The following STK3 variants were observed in gnomAD, a reference collection of about 807,000 sequenced individuals.
STK3 encodes the protein serine/threonine kinase 3.
Under a neutral mutation model 58.0 loss-of-function variants are expected in STK3, and 41 were observed. That is an observed-to-expected ratio of 0.71 (90% CI 0.55 to 0.92). STK3 has a LOEUF of 0.92. Ranked by LOEUF, STK3 falls within the 40% of genes least tolerant of loss-of-function variation. STK3 has a pLI of 0.00. For synonymous variants in STK3, 170 were observed against 191.0 expected (o/e 0.89, Z 0.91); for missense variants, 479 against 602.7 (o/e 0.79, Z 2.15).
intron 10 of STK3, among the ~76,000 whole-genome samples, chr8:98,460,058 G>T (rs999735306): frequency 9.9e-5 from 15 of 152,176 alleles, no homozygotes; most frequent in Admixed American, 9.8e-4. Context: ...TTGACAGCTT[G>T]CACCATATGC....
intron 8 of STK3, among the ~76,000 whole-genome samples, chr8:98,568,063 T>TGATGGATAGATAGATA (rs373444890): frequency 6.8e-6 from 1 of 146,466 alleles, no homozygotes; most frequent in African/African-American, 2.6e-5. Context: ...CTTAGATAGA[T>TGATGGATAGATAGATA]GATAGATAGA....
At chr8:98,416,156 C>T (rs1029630472) in intron 3 of STK3, among the ~76,000 whole-genome samples, 1 of 152,186 alleles carries the variant, frequency 6.6e-6, no homozygotes, top group African/African-American at 2.4e-5. Context: ...TTGCCCAGAG[C>T]AAGCCACGTG....
At chr8:98,732,944 A>G (rs1828314757) in intron 4 of STK3, among the ~76,000 whole-genome samples, 1 of 152,270 alleles carries the variant, frequency 6.6e-6, no homozygotes, top group Non-Finnish European at 1.5e-5. Flanking sequence ...ACATAGAGCC[A>G]TCAACCTAAA....
At chr8:98,739,035 G>C (rs1212931534) in intron 4 of STK3, among the ~76,000 whole-genome samples, 2 of 152,238 alleles carry the variant, frequency 1.3e-5, no homozygotes, top group Non-Finnish European at 2.9e-5. Flanking sequence ...GGCGAGGCTG[G>C]GGGAGGGGCG....
intron 3 of STK3, among the ~76,000 whole-genome samples, chr8:98,759,130 C>T (rs1830467504): frequency 6.6e-6 from 1 of 152,230 alleles, no homozygotes; most frequent in Non-Finnish European, 1.5e-5. Flanking sequence ...TGCATTCAAG[C>T]TTGGCTAGCT....
At chr8:98,460,122 G>A (rs1396383852) in intron 10 of STK3, among the ~76,000 whole-genome samples, 1 of 152,208 alleles carries the variant, frequency 6.6e-6, no homozygotes, top group African/African-American at 2.4e-5. Flanking sequence ...TGAGAGGAGG[G>A]CTGTAACCTG....
chr8:98,427,649 C>G (rs1274718422), intron 3 of STK3: 14 of 207,944 alleles, frequency 6.7e-5, no homozygotes, highest in African/African-American at 3.2e-4. Flanking sequence ...CCGGGCCTGC[C>G]CATGGACAAG....
At chr8:98,941,402 G>A (rs1215424940) in intron 1 of STK3, among the ~76,000 whole-genome samples, 1 of 152,200 alleles carries the variant, frequency 6.6e-6, no homozygotes, top group Non-Finnish European at 1.5e-5. Flanking sequence ...CCAACAGTGC[G>A]GGAAGTTCAA....
intron 4 of STK3, among the ~76,000 whole-genome samples, chr8:98,745,134 G>A (rs1027329395): frequency 6.6e-6 from 1 of 152,296 alleles, no homozygotes; most frequent in South Asian, 2.1e-4. Flanking sequence ...CAGTGGTCAT[G>A]AGTAGCAACA....
intron 9 of STK3, among the ~76,000 whole-genome samples, chr8:98,530,618 G>C (rs1826100252): frequency 6.6e-6 from 1 of 152,202 alleles, no homozygotes. Context: ...TGGGGTGGCT[G>C]TAGTGTTTCT....
At chr8:98,684,806 G>C (rs900705241) in intron 6 of STK3, among the ~76,000 whole-genome samples, 1 of 152,130 alleles carries the variant, frequency 6.6e-6, no homozygotes, top group African/African-American at 2.4e-5. Flanking sequence ...GATTCAAGTT[G>C]CAAATCATTA....
chr8:98,905,294 G>A (rs552775288), intron 1 of STK3: 3 of 834,080 alleles, frequency 3.6e-6, no homozygotes, highest in East Asian at 2.4e-5. Context: ...GTCTCACTGC[G>A]TCCTCTGACC....
chr8:98,880,400 A>C (rs1431586649), downstream of STK3: 3 of 152,238 alleles, frequency 2.0e-5, no homozygotes, highest in African/African-American at 4.8e-5. Context: ...AATTTCAACA[A>C]AGCAAAAACT....
At chr8:98,526,531 A>G (rs1018367810) in intron 10 of STK3, 10 of 345,352 alleles carry the variant, frequency 2.9e-5, no homozygotes, top group African/African-American at 1.7e-4. Flanking sequence ...TTTAACTATA[A>G]AAAAGTATTT....
At chr8:98,893,480 A>AGGAAAG (rs1838307598) in intron 1 of STK3, among the ~76,000 whole-genome samples, 80 of 68,592 alleles carry the variant, frequency 1.2e-3, no homozygotes, top group South Asian at 2.2e-3. Context: ...GAAAGAAAGA[A>AGGAAAG]AGAAAGAGAA....
intron 1 of STK3, among the ~76,000 whole-genome samples, chr8:98,821,108 G>A (rs2131731697): frequency 6.6e-6 from 1 of 152,272 alleles, no homozygotes; most frequent in South Asian, 2.1e-4. Flanking sequence ...CTGGTCCATG[G>A]CCTGTTAGGA....
chr8:98,697,660 G>A (rs1477478166), intron 6 of STK3, among the ~76,000 whole-genome samples: 1 of 152,194 alleles, frequency 6.6e-6, no homozygotes, highest in Non-Finnish European at 1.5e-5. Context: ...CCATGTAGTT[G>A]AGTGGTTTTG....
At chr8:98,397,484 C>T (rs540580344), downstream of STK3, among the ~76,000 whole-genome samples, 6 of 151,864 alleles carry the variant, frequency 4.0e-5, no homozygotes, top group African/African-American at 1.5e-4. Flanking sequence ...TGCAGTGAGC[C>T]GTGATCATGA....
At chr8:98,463,148 T>C (rs533747839) in intron 10 of STK3, 19 of 152,314 alleles carry the variant, frequency 1.2e-4, no homozygotes, top group African/African-American at 3.8e-4. Flanking sequence ...GTTTCCTTGA[T>C]ATGAGTTATC....
Sources: allele counts gnomAD v4.1 joint callset (sites outside exome capture counted in the v4.1 genomes callset), GRCh38; gene constraint gnomAD v4.1.1; transcripts MANE v1.5; gene names NCBI Gene and HGNC (gene_info 2026-07-23, HGNC 2026-07-21).